The following DNAH10 variants were observed in gnomAD, a reference collection of about 807,000 sequenced individuals.
DNAH10 encodes axonemal beta dynein heavy chain 10.
Under a neutral mutation model 506.6 loss-of-function variants are expected in DNAH10, and 348 were observed. That is an observed-to-expected ratio of 0.69 (90% CI 0.63 to 0.75). The LOEUF (loss-of-function observed/expected upper bound fraction) is 0.75. DNAH10 is among the 30% of genes least tolerant of loss of function. The pLI, the probability that DNAH10 is intolerant of heterozygous loss-of-function variation, is 0.00. For synonymous variants in DNAH10, 2,059 were observed against 2,198.6 expected, an observed-to-expected ratio of 0.94 and a Z score of 1.78; for missense variants, 5,179 against 5,787.1, an observed-to-expected ratio of 0.89 and a Z score of 3.41.
chr12:123,924,323 G>C lies in DNAH10; in HGVS notation c.11657G>C (p.Trp3886Ser). 1 of 1,613,016 alleles carries C rather than the reference G, an allele frequency of 6.2e-7. No individual in the cohort carries two copies. The highest frequency in any genetic ancestry group is 8.5e-7 in the Non-Finnish European group (1 of 1,179,358). The change falls in exon 67 of 79, where the codon TGG becomes TCG. Residue 3886 changes from tryptophan to serine, a missense_variant. Coordinates refer to ENST00000673944, the MANE Select transcript of DNAH10 (RefSeq NM_001372106.1). ...EKSKRKKPCA[W>S]LSDQGWEDII... ...AGCAAAAGAAAAAAGCCCTGCGCTT[G>C]GTTGTCTGACCAAGGATGGGAAGAT...
intron 51 of DNAH10, among the ~76,000 whole-genome samples, 185 bp from the exon 52 acceptor site, chr12:123,886,957 T>C (rs1952761662): frequency 6.6e-6 from 1 of 152,190 alleles, no homozygotes; most frequent in African/African-American, 2.4e-5. Flanking sequence ...GCTGGGCTCA[T>C]GGGGCTTCCC....
Position 123,845,740 on chromosome 12 carries a change from AC to A in DNAH10, c.5503del (p.Arg1835GlyfsTer7). 6.2e-7 allele frequency: 1 copy of A among 1,613,988 alleles called. No homozygotes were observed. Among genetic ancestry groups the A allele is most frequent in the South Asian group, 1.1e-5 (1 of 91,066 alleles). On this transcript the variant is annotated frameshift_variant, in exon 31 of 79. Transcript: ENST00000673944. LOFTEE classifies it high-confidence loss of function. ...ATGAAGAACTATGGCAGGAAAATGC[AC>A]CGGCAGATCGATGAGTTGGTAACGC... ...QAMKNYGRKMHRQIDELVTRI... is the reference protein window; with the variant it reads ...QAMKNYGRKMXRQIDELVTRI...
rs568142071 is a variant in DNAH10, at chr12:123,893,616, G to A, written c.9199+180G>A. ...CTGCCCCTTCTAGGTGCCAGTGGGC[G>A]TGAGTGATGTCCCTCTGACAGGAGG... On this transcript the variant is annotated intron_variant, in intron 53 of 78. Transcript: ENST00000673944. 1.4e-4 allele frequency among the ~76,000 whole-genome samples: 21 copies of A among 152,348 alleles called. 1 individual carries two copies. The South Asian group carries it at 3.7e-3, about 27-fold the overall frequency.
chr12:123,887,128 TG>T lies in DNAH10; in HGVS notation c.8824-13del, dbSNP rs763462096. On this transcript the variant is annotated splice_polypyrimidine_tract_variant and intron_variant, in intron 51 of 78. Transcript: ENST00000673944. ...GTGGTGGTGACGCCCATGTGCTCTG[TG>T]TCTGCATCGCAGGTGTTTGAGATCC... 1 of 1,594,620 alleles carries T rather than the reference TG, an allele frequency of 6.3e-7. No homozygotes were observed. The highest frequency in any genetic ancestry group is 2.3e-5 in the East Asian group (1 of 44,260).
intron 19 of DNAH10, among the ~76,000 whole-genome samples, chr12:123,811,423 A>C (rs1217064118): frequency 6.6e-6 from 1 of 151,568 alleles, no homozygotes; most frequent in African/African-American, 2.4e-5. Context: ...CCCGGGTGTG[A>C]GTGATTCTCC....
intron 40 of DNAH10, among the ~76,000 whole-genome samples, chr12:123,865,495 A>AT (rs1002169724): frequency 1.3e-5 from 2 of 151,628 alleles, no homozygotes; most frequent in East Asian, 1.9e-4. Flanking sequence ...ACTGAACTAT[A>AT]TTTTTTTTGT....
intron 16 of DNAH10, among the ~76,000 whole-genome samples, chr12:123,802,408 C>G (rs555307762): frequency 6.6e-6 from 1 of 152,264 alleles, no homozygotes; most frequent in East Asian, 1.9e-4. Context: ...TGGGTTCAAG[C>G]GATTCTCCTG....
At chr12:123,930,120 T>G in intron 72 of DNAH10, 1 of 517,752 alleles carries the variant, frequency 1.9e-6, no homozygotes, top group Non-Finnish European at 3.4e-6. Flanking sequence ...CTTCAGCTGT[T>G]TGTTTGATGT....
intron 30 of DNAH10, among the ~76,000 whole-genome samples, chr12:123,843,855 G>A (rs1295773799): frequency 1.3e-5 from 2 of 152,246 alleles, no homozygotes; most frequent in African/African-American, 2.4e-5. Flanking sequence ...TGGGATTACA[G>A]GCGTGAGCCA....
chr12:123,794,188 GT>G, intron 12 of DNAH10, 76 bp downstream of exon 12: 1 of 1,002,820 alleles, frequency 1.0e-6, no homozygotes, highest in Non-Finnish European at 1.2e-6. Context: ...TCCCACTATT[GT>G]CTGTCTTTCC....
chr12:123,797,797 C>G (rs1181355494), intron 13 of DNAH10, among the ~76,000 whole-genome samples: 2 of 152,220 alleles, frequency 1.3e-5, no homozygotes, highest in Non-Finnish European at 2.9e-5. Flanking sequence ...TTGGAGGATG[C>G]CTACCATCTT....
At chr12:123,883,743 C>T (rs907106385) in intron 51 of DNAH10, among the ~76,000 whole-genome samples, 2 of 152,138 alleles carry the variant, frequency 1.3e-5, no homozygotes, top group Non-Finnish European at 2.9e-5. Flanking sequence ...TTAGACGTTT[C>T]TGCATTGCTT....
chr12:123,785,874 G>A lies in DNAH10; in HGVS notation c.1359G>A (p.Glu453=), dbSNP rs761476141. The change falls in exon 9 of 79, where the codon GAG becomes GAA. Residue 453 remains glutamate, a synonymous_variant. Transcript: ENST00000673944. This position sits in a 1 kb window ranked among gnomAD's most constrained non-coding sequence, Gnocchi z 4.1. ...ACGAGAGGATGATTCCGCTCATGGA[G>A]CGCATCGCCTGGGAAATCGCTGAGA... ...NKDERMIPLM[E]RIAWEIAERV... 2.5e-6 allele frequency: 4 copies of A among 1,614,212 alleles called. 1 individual carries two copies. The highest frequency in any genetic ancestry group is 3.4e-6 in the Non-Finnish European group (4 of 1,180,026).
chr12:123,893,290 G>T lies in DNAH10; in HGVS notation c.9053G>T (p.Gly3018Val), dbSNP rs1429318335. 6.2e-7 allele frequency: 1 copy of T among 1,613,932 alleles called. No homozygotes were observed. Among genetic ancestry groups the T allele is most frequent in the African/African-American group, 1.3e-5 (1 of 74,934 alleles). ...AAAGAGTCTATCCTGAGTCAGATTGGACAGGAAGCTCTGAAGCAAGGCATG... is the reference window on the plus strand; with the variant it reads ...AAAGAGTCTATCCTGAGTCAGATTGTACAGGAAGCTCTGAAGCAAGGCATG... ...EEKESILSQI[G>V]QEALKQGMGP... The change falls in exon 53 of 79, where the codon GGA becomes GTA. Residue 3018 changes from glycine (G) to valine (V), a missense_variant. Physicochemically the swap from Gly to Val is moderately radical, Grantham distance 109. Coordinates refer to ENST00000673944, the MANE Select transcript of DNAH10 (RefSeq NM_001372106.1).
intron 51 of DNAH10, 96 bp from the exon 52 acceptor site, chr12:123,887,046 G>A (rs1299976151): frequency 1.8e-5 from 25 of 1,426,488 alleles, no homozygotes; most frequent in South Asian, 1.5e-4. Context: ...ACAGACCCAC[G>A]CCCTCTGCAC....
At position 123,853,099 on chromosome 12, in the gene DNAH10, A is replaced by G; in HGVS notation, c.6292-107A>G. On this transcript the variant is annotated intron_variant, in intron 35 of 78. Coordinates refer to ENST00000673944, the MANE Select transcript of DNAH10 (RefSeq NM_001372106.1). The surrounding 1 kb of genome is among the most constrained non-coding windows in gnomAD (Gnocchi z 4.7). ...ATTTGCTTATTTGTAGAGCAGCTGCACTGGAACACCTGCCCCCGTTTTCTT... is the reference window on the plus strand; with the variant it reads ...ATTTGCTTATTTGTAGAGCAGCTGCGCTGGAACACCTGCCCCCGTTTTCTT... The G allele has an allele frequency of 8.2e-7, 1 of 1,213,820 alleles. No homozygotes were observed. The allele number at this position is 1,213,820 out of a possible 1,614,324, so 75.2% of individuals were successfully genotyped here.
chr12:123,934,460 G>A, intron 77 of DNAH10, 161 bp from the exon 78 acceptor site: 1 of 873,854 alleles, frequency 1.1e-6, no homozygotes, highest in Non-Finnish European at 1.8e-6. Context: ...AGGGAAGGTG[G>A]GCAGGACAGA....
intron 23 of DNAH10, 60 bp from the exon 24 acceptor site, chr12:123,820,520 A>G: frequency 1.3e-6 from 2 of 1,510,532 alleles, no homozygotes; most frequent in Non-Finnish European, 1.8e-6. Flanking sequence ...ATGATTTCTT[A>G]TTCAATTTTG....
intron 24 of DNAH10, among the ~76,000 whole-genome samples, chr12:123,825,542 C>T (rs1449556941): frequency 6.6e-6 from 1 of 152,168 alleles, no homozygotes; most frequent in Non-Finnish European, 1.5e-5. Context: ...AAGCCAGATA[C>T]AGAGGAATGC....
Sources: gnomAD v4.1 joint callset for allele counts (sites outside exome capture counted in the v4.1 genomes callset) on GRCh38, gnomAD v4.1.1 for gene constraint, Gnocchi (gnomAD v3.1) non-coding constraint, MANE v1.5 for transcripts, NCBI Gene and HGNC (gene_info 2026-07-23, HGNC 2026-07-21) for gene names.